Variants in GABRG3 observed in about 807,000 individuals in gnomAD.
GABRG3 encodes the protein gamma-aminobutyric acid receptor subunit gamma-3.
In GABRG3, 25 loss-of-function variants were observed where a neutral mutation model predicts 48.8. The observed-to-expected ratio is 0.51, with a 90% confidence interval of 0.37 to 0.72. The LOEUF (loss-of-function observed/expected upper bound fraction) is 0.72, where lower values mean the gene tolerates loss of function less well. Among genes scored for constraint, GABRG3 ranks in the 30% least tolerant of loss-of-function variants. The pLI is 0.00. For missense variants in GABRG3, 394 were observed against 577.9 expected (o/e 0.68, Z 3.26); for synonymous variants, 227 against 217.6 (o/e 1.04, Z -0.38).
chr15:27,195,531 C>A (rs568188147), intron 3 of GABRG3, among the ~76,000 whole-genome samples: 1 of 151,644 alleles, frequency 6.6e-6, no homozygotes, highest in Non-Finnish European at 1.5e-5. Flanking sequence ...AGGTTTTCAC[C>A]ATGTTGGCCA....
intron 2 of GABRG3, among the ~76,000 whole-genome samples, chr15:26,992,588 T>A (rs1352763531): frequency 6.6e-6 from 1 of 152,204 alleles, no homozygotes; most frequent in Non-Finnish European, 1.5e-5. Flanking sequence ...TGATGAGTGA[T>A]CTTCTAAATT....
chr15:27,499,181 A>AAGACT (rs1242956470), intron 6 of GABRG3, among the ~76,000 whole-genome samples: 1 of 152,256 alleles, frequency 6.6e-6, no homozygotes, highest in Non-Finnish European at 1.5e-5. Context: ...TTCAGGATTT[A>AAGACT]ATTTGATACA....
At chr15:27,293,658 A>G (rs1221112845) in intron 3 of GABRG3, among the ~76,000 whole-genome samples, 1 of 152,064 alleles carries the variant, frequency 6.6e-6, no homozygotes, top group East Asian at 1.9e-4. Context: ...AGCCTGGGCA[A>G]CAGAGTGAGA....
At chr15:27,172,233 A>C (rs896794182) in intron 3 of GABRG3, among the ~76,000 whole-genome samples, 8 of 152,208 alleles carry the variant, frequency 5.3e-5, no homozygotes, top group African/African-American at 1.4e-4. Context: ...TGACGGGGCT[A>C]GGACAGTGTG....
chr15:27,269,026 G>A (rs1171602517), intron 3 of GABRG3, among the ~76,000 whole-genome samples: 1 of 152,060 alleles, frequency 6.6e-6, no homozygotes, highest in Non-Finnish European at 1.5e-5. Context: ...TTCATTTTTT[G>A]TAGTTATTTC....
rs1897618654 is a variant in GABRG3 at position 27,115,087 on chromosome 15, TAAAGG to T, written c.270+88267_270+88271del. On this transcript the variant is annotated intron_variant, in intron 3 of 9. Transcript: ENST00000615808. ...GAAATAGTTGTAAATAAAAATGAAA[TAAAGG>T]GAAGTGAGCTACTTCTGTAATTTTT... is the stretch of plus-strand genomic sequence containing the variant. 2.0e-5 allele frequency among the ~76,000 whole-genome samples: 3 copies of T among 152,094 alleles called. No homozygotes were observed. In the South Asian group the frequency reaches 6.2e-4, roughly 32 times the overall value.
At chr15:27,364,490 G>C (rs1378398112) in intron 5 of GABRG3, 1 of 152,230 alleles carries the variant, frequency 6.6e-6, no homozygotes, top group Non-Finnish European at 1.5e-5. Context: ...ATTGAGACAG[G>C]ACCGTAAATG....
chr15:27,220,991 CT>C (rs72305305), intron 3 of GABRG3, among the ~76,000 whole-genome samples: 20 of 149,102 alleles, frequency 1.3e-4, no homozygotes, highest in East Asian at 5.9e-4. Flanking sequence ...GGAATTGCTT[CT>C]TTTTTTTTTC....
chr15:27,406,822 T>G (rs1008708731), intron 5 of GABRG3, among the ~76,000 whole-genome samples: 1 of 152,190 alleles, frequency 6.6e-6, no homozygotes, highest in Non-Finnish European at 1.5e-5. Context: ...AATGGAAGAT[T>G]AACAATAGTG....
At chr15:27,467,441 C>T (rs1889649866) in intron 5 of GABRG3, among the ~76,000 whole-genome samples, 1 of 152,182 alleles carries the variant, frequency 6.6e-6, no homozygotes, top group African/African-American at 2.4e-5. Context: ...ACATTCTCTG[C>T]AGTTCACAGA....
intron 6 of GABRG3, among the ~76,000 whole-genome samples, chr15:27,502,213 T>G (rs1340200292): frequency 6.6e-6 from 1 of 152,274 alleles, no homozygotes. Context: ...AGTGTTTGTA[T>G]TCAATATCAT....
intron 3 of GABRG3, among the ~76,000 whole-genome samples, chr15:27,216,214 G>A (rs533235444): frequency 5.9e-5 from 9 of 152,324 alleles, no homozygotes; most frequent in East Asian, 1.9e-4. Flanking sequence ...CGGGTGCAGG[G>A]CCCTCTGCAA....
At chr15:27,490,723 C>T (rs1890328969) in intron 6 of GABRG3, among the ~76,000 whole-genome samples, 1 of 152,248 alleles carries the variant, frequency 6.6e-6, no homozygotes, top group Admixed American at 6.5e-5. Context: ...CAGACCCCAA[C>T]TTTCCCTGGA....
intron 5 of GABRG3, among the ~76,000 whole-genome samples, chr15:27,361,879 T>G (rs2140547200): frequency 6.6e-6 from 1 of 152,364 alleles, no homozygotes; most frequent in Non-Finnish European, 1.5e-5. Context: ...TATTGTAATC[T>G]GTGTCTTTAA....
rs1014749002 is a variant in GABRG3 at position 27,538,893 on chromosome 15, T to C, written c.*6012T>C. 6.6e-6 allele frequency: 1 copy of C among 152,212 alleles called. No individual in the cohort carries two copies. Among genetic ancestry groups the C allele is most frequent in the Non-Finnish European group, 1.5e-5 (1 of 68,038 alleles). The allele number at this position is 152,212 out of a possible 1,614,324, so 9.4% of individuals were successfully genotyped here. On this transcript the variant is annotated 3_prime_UTR_variant, in exon 10 of 10. Transcript: ENST00000615808. ...CATCCAATTTGTATTTTCTTAAATATGTGTTTCTTAGGTATCTAAGGATAC... is the reference window on the plus strand; with the variant it reads ...CATCCAATTTGTATTTTCTTAAATACGTGTTTCTTAGGTATCTAAGGATAC...
intron 2 of GABRG3, among the ~76,000 whole-genome samples, chr15:27,025,811 C>T (rs1051295410): frequency 6.6e-6 from 1 of 152,214 alleles, no homozygotes; most frequent in Non-Finnish European, 1.5e-5. Flanking sequence ...CAGTCTGTTT[C>T]ATGGGGAAAG....
At chr15:27,061,553 A>C (rs1205788955) in intron 3 of GABRG3, among the ~76,000 whole-genome samples, 4 of 151,824 alleles carry the variant, frequency 2.6e-5, no homozygotes, top group Non-Finnish European at 5.9e-5. Context: ...AACTGTCTCA[A>C]GTTTCATCCA....
At chr15:27,025,562 C>T (rs761493939) in intron 2 of GABRG3, among the ~76,000 whole-genome samples, 4 of 152,138 alleles carry the variant, frequency 2.6e-5, no homozygotes, top group South Asian at 4.1e-4. Flanking sequence ...TACTGACAGA[C>T]GTTGTAGGAG....
intron 3 of GABRG3, among the ~76,000 whole-genome samples, chr15:27,293,313 AAG>A (rs1891855779): frequency 6.6e-6 from 1 of 152,224 alleles, no homozygotes; most frequent in Non-Finnish European, 1.5e-5. Flanking sequence ...TCTGATAAAA[AAG>A]AAAAAATATA....
Sources: allele counts gnomAD v4.1 joint callset (sites outside exome capture counted in the v4.1 genomes callset), GRCh38; gene constraint gnomAD v4.1.1; transcripts MANE v1.5; gene names NCBI Gene and HGNC (gene_info 2026-07-23, HGNC 2026-07-21).